RIMBP2: variants seen among roughly 807,000 people sequenced by gnomAD.
The protein encoded by RIMBP2 is RIMS-binding protein 2.
RIMBP2 carries 48 observed loss-of-function variants against 118.6 expected under a neutral mutation model. The observed-to-expected ratio is 0.40, with a 90% CI of 0.32 to 0.51. RIMBP2 has a LOEUF of 0.51. Ranked by LOEUF, RIMBP2 falls within the 20% of genes least tolerant of loss-of-function variation. The pLI is 0.41. For synonymous variants in RIMBP2, 762 were observed against 742.9 expected (o/e 1.03, Z -0.42); for missense variants, 1,551 against 1,768.3 (o/e 0.88, Z 2.20).
intron 2 of RIMBP2, among the ~76,000 whole-genome samples, chr12:130,521,759 GA>G (rs1566189375): frequency 6.6e-6 from 1 of 152,202 alleles, no homozygotes; most frequent in Non-Finnish European, 1.5e-5. Flanking sequence ...TTTGTGACCT[GA>G]AATAACAATT....
rs946901069 is a variant in RIMBP2 at position 130,441,948 on chromosome 12, C to T, written c.1404G>A (p.Lys468=). 9.9e-6 allele frequency: 16 copies of T among 1,613,990 alleles called. No individual in the cohort carries two copies. Among genetic ancestry groups the T allele is most frequent in the African/African-American group, 1.3e-5 (1 of 74,956 alleles). ...FFNLRPNMAY[K]VKVLAKPHQM... is the part of the protein sequence containing the mutation. ...GGTGGGGTTTGGCCAGAACCTTCAC[C>T]TTATAGGCCATGTTGGGCCTGAGAT... is the stretch of plus-strand genomic sequence containing the variant. Residue 468 remains lysine (K), a synonymous_variant, in exon 11 of 23, where the codon AAG becomes AAA. Transcript: ENST00000690449.
intron 5 of RIMBP2, among the ~76,000 whole-genome samples, chr12:130,478,180 C>T (rs1173425077): frequency 6.6e-6 from 1 of 152,174 alleles, no homozygotes; most frequent in Non-Finnish European, 1.5e-5. Flanking sequence ...TCAGTCCTTC[C>T]TTCCCTCCTT....
rs1031167493 is a variant in RIMBP2, at chr12:130,475,359, C to A, written c.102+3553G>T. 6.6e-6 allele frequency among the ~76,000 whole-genome samples: 1 copy of A among 152,192 alleles called. No individual in the cohort carries two copies. Among genetic ancestry groups the A allele is most frequent in the South Asian group, 2.1e-4 (1 of 4,830 alleles). The stretch of plus-strand genomic sequence containing the variant: ...ATATTAGACGCCTGAATGTCCAGCA[C>A]CCTCTCAAGGGTGGTCAGGTCTGGG... On this transcript the variant is annotated intron_variant, in intron 5 of 22. Transcript: ENST00000690449. The surrounding 1 kb of genome is among the most constrained non-coding windows in gnomAD (Gnocchi z 4.1).
chr12:130,471,395 C>G (rs751397367), intron 5 of RIMBP2, among the ~76,000 whole-genome samples: 2 of 152,218 alleles, frequency 1.3e-5, no homozygotes, highest in African/African-American at 2.4e-5. Flanking sequence ...ACCGTTATTT[C>G]TTGTCCTCAC....
At position 130,396,468 on chromosome 12, in the gene RIMBP2, G is replaced by A. The variant is rs1303161661; in HGVS notation, c.*893C>T. 2 of 152,630 alleles carry A rather than the reference G, an allele frequency of 1.3e-5. No homozygotes were observed. The highest frequency in any genetic ancestry group is 4.8e-5 in the African/African-American group (2 of 41,462). The allele number at this position is 152,630 out of a possible 1,614,324, so 9.5% of individuals were successfully genotyped here. The stretch of plus-strand genomic sequence containing the variant: ...GTAAGTCTTTTGTTCAAATGCCAAT[G>A]ATGAAGATGGGTATGGACTCATTTG... On this transcript the variant is annotated 3_prime_UTR_variant, in exon 23 of 23. Transcript: ENST00000690449.
chr12:130,693,533 G>A (rs1244965182), intron 1 of RIMBP2, among the ~76,000 whole-genome samples: 3 of 152,176 alleles, frequency 2.0e-5, no homozygotes, highest in Non-Finnish European at 4.4e-5. Context: ...TATGCCCACC[G>A]TGAGAAAGGC....
intron 2 of RIMBP2, among the ~76,000 whole-genome samples, chr12:130,552,069 T>A (rs541204557): frequency 6.6e-6 from 1 of 152,250 alleles, no homozygotes; most frequent in Non-Finnish European, 1.5e-5. Flanking sequence ...CTTGGGCTCA[T>A]AACTGCTTTA....
At chr12:130,412,400 T>G (rs528169907) in intron 19 of RIMBP2, among the ~76,000 whole-genome samples, 2 of 152,190 alleles carry the variant, frequency 1.3e-5, no homozygotes, top group Non-Finnish European at 2.9e-5. Flanking sequence ...TCTTCACACT[T>G]AGGTGTATCT....
chr12:130,483,134 A>C (rs1183064112), intron 4 of RIMBP2, among the ~76,000 whole-genome samples: 7 of 73,284 alleles, frequency 9.6e-5, no homozygotes, highest in Admixed American at 2.6e-4. Context: ...TACATGTGTC[A>C]GATTCTGCAG....
intron 2 of RIMBP2, among the ~76,000 whole-genome samples, chr12:130,533,665 C>A (rs1204936137): frequency 6.6e-6 from 1 of 152,180 alleles, no homozygotes; most frequent in African/African-American, 2.4e-5. Flanking sequence ...ACCTAAATGT[C>A]CATCAGTGGA....
chr12:130,436,710 G>C (rs1593287295), intron 13 of RIMBP2, 132 bp downstream of exon 13: 1 of 621,992 alleles, frequency 1.6e-6, no homozygotes, highest in Non-Finnish European at 2.4e-6. Context: ...CAGCAAAGCG[G>C]TGGGCTGAGC....
intron 2 of RIMBP2, among the ~76,000 whole-genome samples, chr12:130,605,991 C>T (rs2060161050): frequency 6.6e-6 from 1 of 151,948 alleles, no homozygotes; most frequent in Admixed American, 6.6e-5. Context: ...TTGCTTGAAC[C>T]CAGGAGGCAG....
chr12:130,664,137 C>T (rs968477926), intron 1 of RIMBP2, among the ~76,000 whole-genome samples: 2 of 151,702 alleles, frequency 1.3e-5, no homozygotes, highest in African/African-American at 2.4e-5. Context: ...GAAGTGTCAA[C>T]AAATACTGAA....
intron 1 of RIMBP2, among the ~76,000 whole-genome samples, chr12:130,662,334 G>C (rs1259297771): frequency 6.6e-6 from 1 of 152,142 alleles, no homozygotes; most frequent in Non-Finnish European, 1.5e-5. Context: ...AGGCCAGCCA[G>C]TTTCAGCACC....
At chr12:130,580,657 A>G (rs948154046) in intron 2 of RIMBP2, among the ~76,000 whole-genome samples, 2 of 152,232 alleles carry the variant, frequency 1.3e-5, no homozygotes, top group Non-Finnish European at 2.9e-5. Flanking sequence ...TACTGCATTA[A>G]GACCAGGTGC....
chr12:130,475,000 A>G (rs942579916), intron 5 of RIMBP2, among the ~76,000 whole-genome samples: 6 of 152,164 alleles, frequency 3.9e-5, no homozygotes, highest in Non-Finnish European at 5.9e-5. Flanking sequence ...GTCTCCAGGA[A>G]GCACGCGTCT....
At chr12:130,579,022 T>C (rs1291490678) in intron 2 of RIMBP2, among the ~76,000 whole-genome samples, 1 of 152,158 alleles carries the variant, frequency 6.6e-6, no homozygotes, top group Non-Finnish European at 1.5e-5. Context: ...TTTCTCAGGA[T>C]CTTTTGGTTT....
chr12:130,509,373 C>G (rs2050676772), intron 3 of RIMBP2, among the ~76,000 whole-genome samples: 1 of 152,216 alleles, frequency 6.6e-6, no homozygotes, highest in South Asian at 2.1e-4. Flanking sequence ...TCACAGCTTG[C>G]AGCTGCAGGT....
Position 130,420,646 on chromosome 12 carries a change from C to A in RIMBP2, c.3238+1807G>T, listed in dbSNP as rs2076355877. ...CAGCCATTTGAAAAGCAATACTGAT[C>A]TAGGAAAATAGCAAACCAAAGCGGA... On this transcript the variant is annotated intron_variant, in intron 17 of 22. Transcript: ENST00000690449. The surrounding 1 kb of genome is among the most constrained non-coding windows in gnomAD (Gnocchi z 4.3). 6.6e-6 allele frequency among the ~76,000 whole-genome samples: 1 copy of A among 152,088 alleles called. No homozygotes were observed. Among genetic ancestry groups the A allele is most frequent in the Non-Finnish European group, 1.5e-5 (1 of 68,022 alleles).
Sources: gnomAD v4.1 joint callset for allele counts (sites outside exome capture counted in the v4.1 genomes callset) on GRCh38, gnomAD v4.1.1 for gene constraint, Gnocchi (gnomAD v3.1) non-coding constraint, MANE v1.5 for transcripts, NCBI Gene and HGNC (gene_info 2026-07-23, HGNC 2026-07-21) for gene names.